The following PI4KA variants were observed in gnomAD, a reference collection of about 807,000 sequenced individuals.
PI4KA encodes phosphatidylinositol 4-kinase alpha, also known as PI4-kinase alpha.
Under a neutral mutation model 271.4 loss-of-function variants are expected in PI4KA, and 122 were observed. The ratio of observed to expected loss-of-function variants is 0.45; its 90% CI spans 0.39 to 0.52. The LOEUF (loss-of-function observed/expected upper bound fraction) is 0.52, where lower values mean the gene tolerates loss of function less well. PI4KA is among the 20% of genes least tolerant of loss of function. PI4KA has a pLI of 0.00. For synonymous variants in PI4KA, 1,041 were observed against 1,078.8 expected (o/e 0.96, Z 0.69); for missense variants, 1,969 against 2,769.1 (o/e 0.71, Z 6.48).
intron 30 of PI4KA, 188 bp from the exon 31 acceptor site, chr22:20,742,952 TA>T: frequency 5.1e-5 from 28 of 549,198 alleles, no homozygotes; most frequent in East Asian, 1.3e-4. Context: ...TTTTTTTTTT[TA>T]AAGAACAGCT....
chr22:20,711,726 T>A (rs1925300973), intron 50 of PI4KA, among the ~76,000 whole-genome samples: 2 of 151,740 alleles, frequency 1.3e-5, no homozygotes, highest in Admixed American at 1.3e-4. Flanking sequence ...TTCTTTTGAC[T>A]CCCAAAGTGG....
chr22:20,717,459 C>A (rs1457434432), intron 45 of PI4KA, among the ~76,000 whole-genome samples: 1 of 152,286 alleles, frequency 6.6e-6, no homozygotes, highest in Non-Finnish European at 1.5e-5. Context: ...CTGTCAGCCT[C>A]CAGAAAAACA....
rs1925187951 is a variant in PI4KA at position 20,838,731 on chromosome 22, C to T, written c.157G>A (p.Val53Ile). 1 of 1,586,972 alleles carries T rather than the reference C, an allele frequency of 6.3e-7. No homozygotes were observed. Among genetic ancestry groups the T allele is most frequent in the African/African-American group, 1.3e-5 (1 of 74,080 alleles). Residue 53 changes from valine to isoleucine, a missense_variant and splice_region_variant, in exon 2 of 55, where the codon GTC becomes ATC. This residue lies in a region of PI4KA where 540 missense variants were observed against 555.5 expected (regional missense o/e 0.97). Transcript: ENST00000255882. ...AVQRPASLEK[V>I]QKLLCMCPVD... ...GGACACATGCAAAGAAGCTTTTGGA[C>T]CTAGAAAATGAGACCCCCCCAAAAA...
At position 20,729,417 on chromosome 22, in the gene PI4KA, G is replaced by T. The variant is rs1186025324; in HGVS notation, c.4578C>A (p.Ala1526=). Residue 1526 remains alanine, a synonymous_variant, in exon 39 of 55, where the codon GCC becomes GCA. Transcript: ENST00000255882. Reference sequence around the variant, plus strand: ...GGCTGATGTACTTAGATCTCCAGTTGGCCACGCTGTTCTCTCCGGCCTGGT... The same window carrying T: ...GGCTGATGTACTTAGATCTCCAGTTTGCCACGCTGTTCTCTCCGGCCTGGT... ...ELDQAGENSV[A]NWRSKYISLS... is the part of the protein sequence containing the mutation. The T allele has an allele frequency of 3.1e-6, 5 of 1,613,748 alleles. No individual in the cohort carries two copies.
At chr22:20,764,692 G>T (rs1017296430) in intron 22 of PI4KA, 125 bp downstream of exon 22, 65 of 1,044,360 alleles carry the variant, frequency 6.2e-5, no homozygotes, top group Non-Finnish European at 8.3e-5. Context: ...GTTTTTGCTT[G>T]GTTTTTCAGA....
At chr22:20,764,032 C>G (rs1469492702) in intron 22 of PI4KA, among the ~76,000 whole-genome samples, 1 of 152,170 alleles carries the variant, frequency 6.6e-6, no homozygotes, top group Non-Finnish European at 1.5e-5. Flanking sequence ...GGAACACTTT[C>G]TTTTTCAAAT....
Position 20,775,423 on chromosome 22 carries a change from C to T in PI4KA, c.2329-9730G>A, listed in dbSNP as rs79479689. ...TCTCCTTCCTCTGGTAAGGGAATGA[C>T]GAAAACTATTTTTGGCTTTTTATCA... On this transcript the variant is annotated intron_variant, in intron 19 of 54. Coordinates refer to ENST00000255882, the MANE Select transcript of PI4KA (RefSeq NM_058004.4). Among the ~76,000 whole-genome samples the T allele has an allele frequency of 2.0e-3, 311 of 152,208 alleles. 1 individual carries two copies. Among genetic ancestry groups the T allele is most frequent in the African/African-American group, 6.9e-3 (286 of 41,520 alleles).
chr22:20,787,356 G>A (rs746153493), intron 19 of PI4KA: 82 of 446,694 alleles, frequency 1.8e-4, no homozygotes, highest in Non-Finnish European at 3.0e-4. Flanking sequence ...TGAGCAGCGC[G>A]TCCTAAGCAC....
chr22:20,856,204 C>T (rs1362432063), intron 1 of PI4KA, among the ~76,000 whole-genome samples: 1 of 152,194 alleles, frequency 6.6e-6, no homozygotes, highest in East Asian at 1.9e-4. Flanking sequence ...CCCAGCTACT[C>T]AGGAGGCTAC....
intron 19 of PI4KA, among the ~76,000 whole-genome samples, chr22:20,776,768 G>A (rs1933320224): frequency 6.6e-6 from 1 of 152,138 alleles, no homozygotes; most frequent in Non-Finnish European, 1.5e-5. Flanking sequence ...AATGTTGGGA[G>A]GATGAAACTA....
chr22:20,721,957 C>T (rs1926785374), intron 42 of PI4KA: 1 of 157,124 alleles, frequency 6.4e-6, no homozygotes, highest in African/African-American at 2.4e-5. Context: ...GGGACGGTTC[C>T]CCCTTGTTGA....
Position 20,790,699 on chromosome 22 carries a change from AACACACACACAC to A in PI4KA, c.2328+2482_2328+2493del, listed in dbSNP as rs362174. ...AAAATAAAAAAATTTAAAAAAAACA[AACACACACACAC>A]ACACACACACACACACACACACACA... On this transcript the variant is annotated intron_variant, in intron 19 of 54. Transcript: ENST00000255882. Among the ~76,000 whole-genome samples the A allele has an allele frequency of 4.3e-3, 599 of 139,382 alleles. 5 individuals carry two copies. The highest frequency in any genetic ancestry group is 0.014 in the African/African-American group (524 of 37,550). 91.4% of individuals were successfully genotyped at this position (139,382 alleles called of 152,430 possible).
At chr22:20,763,061 A>G (rs1932162200) in intron 22 of PI4KA, among the ~76,000 whole-genome samples, 1 of 147,228 alleles carries the variant, frequency 6.8e-6, no homozygotes, top group Non-Finnish European at 1.5e-5. Context: ...CTGTTGCAGA[A>G]GCTCAAAACT....
intron 45 of PI4KA, among the ~76,000 whole-genome samples, chr22:20,716,058 T>G (rs1015872827): frequency 2.0e-5 from 3 of 150,614 alleles, no homozygotes; most frequent in Non-Finnish European, 4.4e-5. Context: ...CCTGGTTAGT[T>G]TTTTTTTTTT....
At chr22:20,847,362 G>C (rs1926398295) in intron 1 of PI4KA, among the ~76,000 whole-genome samples, 1 of 152,162 alleles carries the variant, frequency 6.6e-6, no homozygotes, top group South Asian at 2.1e-4. Flanking sequence ...CAAGGCAGGA[G>C]GATTGCTTGA....
intron 47 of PI4KA, among the ~76,000 whole-genome samples, chr22:20,714,182 A>AG (rs1044337980): frequency 6.6e-6 from 1 of 150,388 alleles, no homozygotes; most frequent in African/African-American, 2.5e-5. Context: ...GGAAACTAAC[A>AG]CCCCCCAACA....
intron 3 of PI4KA, among the ~76,000 whole-genome samples, chr22:20,828,837 G>A (rs1338724386): frequency 1.3e-5 from 2 of 152,170 alleles, no homozygotes; most frequent in African/African-American, 2.4e-5. Flanking sequence ...ACAGGCGTGA[G>A]CCACCACGCC....
intron 18 of PI4KA, among the ~76,000 whole-genome samples, chr22:20,795,650 G>A (rs1460375552): frequency 6.6e-6 from 1 of 152,164 alleles, no homozygotes; most frequent in African/African-American, 2.4e-5. Context: ...CGAAGGAAGA[G>A]GCCTCACCTG....
rs139118976 is a variant in PI4KA, at chr22:20,779,778, G to T, written c.2328+13415C>A. 1.7e-5 allele frequency: 27 copies of T among 1,614,088 alleles called. No homozygotes were observed. The Admixed American group carries it at 4.2e-4, about 25-fold the overall frequency. ...TTTCGATAACATCTTCATAGCACCC[G>T]TTGGCATTTCTACTGCGATGGGTAT... is the stretch of plus-strand genomic sequence containing the variant. On this transcript the variant is annotated intron_variant, in intron 19 of 54. Transcript: ENST00000255882.
Sources: gnomAD v4.1 joint callset for allele counts (sites outside exome capture counted in the v4.1 genomes callset) on GRCh38, gnomAD v4.1.1 for gene constraint, gnomAD v4.1.1 regional missense constraint, MANE v1.5 for transcripts, NCBI Gene and HGNC (gene_info 2026-07-23, HGNC 2026-07-21) for gene names.